Variants in VCAN observed in about 807,000 individuals in gnomAD.
VCAN encodes the protein versican core protein.
A neutral mutation model predicts 245.5 loss-of-function variants in VCAN; 44 were observed. The observed-to-expected ratio is 0.18, with a 90% CI of 0.14 to 0.23. The LOEUF (loss-of-function observed/expected upper bound fraction) is 0.23. Ranked by LOEUF, VCAN falls within the 10% of genes least tolerant of loss-of-function variation. The pLI is 1.00. For synonymous variants in VCAN, 1,413 were observed against 1,437.0 expected, an observed-to-expected ratio of 0.98 and a Z score of 0.38; for missense variants, 3,793 against 4,057.9, an observed-to-expected ratio of 0.93 and a Z score of 1.77.
Position 83,539,912 on chromosome 5 carries a change from A to G in VCAN, c.6909A>G (p.Arg2303=). ...TSSDKIEDFN[R]MENVAKEVGP... is the part of the protein sequence containing the mutation. The stretch of plus-strand genomic sequence containing the variant: ...GTGACAAAATTGAAGACTTTAACAG[A>G]ATGGAAAATGTGGCAAAAGAAGTTG... Residue 2303 remains arginine, a synonymous_variant, in exon 8 of 15, where the codon AGA becomes AGG. Transcript: ENST00000265077. 1 of 1,614,066 alleles carries G rather than the reference A, an allele frequency of 6.2e-7. No individual in the cohort carries two copies. The highest frequency in any genetic ancestry group is 8.5e-7 in the Non-Finnish European group (1 of 1,179,976).
At chr5:83,505,111 TG>T (rs1745445037) in intron 5 of VCAN, among the ~76,000 whole-genome samples, 4 of 152,104 alleles carry the variant, frequency 2.6e-5, no homozygotes, top group Admixed American at 2.6e-4. Context: ...GAGATTTGGG[TG>T]GGGACACAGC....
intron 6 of VCAN, chr5:83,512,645 T>A: frequency 2.1e-6 from 1 of 484,766 alleles, no homozygotes; most frequent in South Asian, 2.9e-5. Context: ...TGTGCTCTGT[T>A]GTGTCCAGAG....
Position 83,540,304 on chromosome 5 carries a change from G to T in VCAN, c.7301G>T (p.Gly2434Val), listed in dbSNP as rs753854575. The part of the protein sequence containing the change: ...LYYEPSGEGS[G>V]EVDIVDSFHT... ...TATGAACCTTCTGGAGAAGGATCTG[G>T]AGAAGTGGATATTGTTGATTCATTT... Residue 2434 changes from glycine to valine, a missense_variant, in exon 8 of 15, where the codon GGA (glycine) becomes GTA (valine). Physicochemically the swap from Gly to Val is moderately radical, Grantham distance 109. Transcript: ENST00000265077. 2 of 1,613,968 alleles carry T rather than the reference G, an allele frequency of 1.2e-6. No individual in the cohort carries two copies. Among genetic ancestry groups the T allele is most frequent in the African/African-American group, 1.3e-5 (1 of 74,920 alleles).
intron 5 of VCAN, among the ~76,000 whole-genome samples, chr5:83,506,709 C>G (rs1027433767): frequency 5.9e-5 from 9 of 152,108 alleles, no homozygotes; most frequent in Admixed American, 2.6e-4. Flanking sequence ...TACCAATTTA[C>G]TGTATTAGTT....
chr5:83,570,172 C>A (rs1231577423), intron 12 of VCAN, among the ~76,000 whole-genome samples: 1 of 152,020 alleles, frequency 6.6e-6, no homozygotes, highest in Non-Finnish European at 1.5e-5. Flanking sequence ...TGGAGAGTAA[C>A]ACAGTGGGGC....
At chr5:83,551,003 G>C (rs1747442398) in intron 10 of VCAN, among the ~76,000 whole-genome samples, 1 of 149,236 alleles carries the variant, frequency 6.7e-6, no homozygotes, top group Non-Finnish European at 1.5e-5. Context: ...TCATTGGGAA[G>C]CTATGATTTA....
In VCAN at chr5:83,540,466, T is replaced by G. The variant is rs1746927903; in HGVS notation, c.7463T>G (p.Met2488Arg). The G allele has an allele frequency of 6.2e-7, 1 of 1,613,992 alleles. No homozygotes were observed. Among genetic ancestry groups the G allele is most frequent in the Non-Finnish European group, 8.5e-7 (1 of 1,179,936 alleles). The change falls in exon 8 of 15, where the codon ATG becomes AGG. Residue 2488 changes from methionine (M) to arginine (R), a missense_variant. Met to Arg is a moderately conservative substitution (Grantham distance 91, BLOSUM62 -1). This residue lies in a region of VCAN where 3,182 missense variants were observed against 3,250.3 expected (regional missense o/e 0.98). Coordinates refer to ENST00000265077, the MANE Select transcript of VCAN (RefSeq NM_004385.5). ...TADGFPTVSV[M>R]LPLHSEQNKS... is the part of the protein sequence containing the mutation. ...GATGGATTCCCAACAGTTTCAGTGA[T>G]GCTGCCTCTTCATTCAGAGCAGAAC... is the stretch of plus-strand genomic sequence containing the variant.
In VCAN at chr5:83,522,171, C is replaced by G. The variant is rs369287217; in HGVS notation, c.3865C>G (p.Gln1289Glu). Residue 1289 changes from glutamine to glutamate, a missense_variant, in exon 7 of 15, where the codon CAG (glutamine) becomes GAG (glutamate). By Grantham distance (29) the Gln-to-Glu change is conservative. Around this residue, in one of 5 missense-constraint regions of VCAN, gnomAD observed 3,182 missense variants for 3,250.3 expected, o/e 0.98. Transcript: ENST00000265077. ...YFTTSSPPAT[Q>E]PTRPPTVEDK... ...CACGACTTCAAGTCCTCCTGCTACA[C>G]AGCCAACAAGACCACCCACTGTGGA... is the stretch of plus-strand genomic sequence containing the variant. The G allele has an allele frequency of 1.3e-5, 21 of 1,609,566 alleles. No individual in the cohort carries two copies. The highest frequency in any genetic ancestry group is 1.8e-5 in the Non-Finnish European group (21 of 1,180,002).
chr5:83,528,787 G>A (rs1580636392), intron 7 of VCAN, among the ~76,000 whole-genome samples: 2 of 152,116 alleles, frequency 1.3e-5, no homozygotes, highest in South Asian at 2.1e-4. Context: ...TACTGAATCA[G>A]TAGGATTATA....
At chr5:83,551,981 T>C (rs912673077) in intron 10 of VCAN, among the ~76,000 whole-genome samples, 11 of 152,208 alleles carry the variant, frequency 7.2e-5, no homozygotes, top group African/African-American at 2.7e-4. Flanking sequence ...AACAACACTT[T>C]AATAAACGCA....
chr5:83,542,810 A>C (rs1452952619), intron 8 of VCAN, among the ~76,000 whole-genome samples: 1 of 152,234 alleles, frequency 6.6e-6, no homozygotes, highest in Non-Finnish European at 1.5e-5. Flanking sequence ...CAGTCTACAT[A>C]ATGCATCAAA....
chr5:83,539,067 G>C lies in VCAN; in HGVS notation c.6064G>C (p.Val2022Leu). ...GEQLVTVSSSVVPVLPSAVQK... is the reference protein window; with the variant it reads ...GEQLVTVSSSLVPVLPSAVQK... ...GCAACTGGTCACAGTCAGCAGCTCT[G>C]TTGTTCCAGTGCTTCCCAGTGCTGT... The change falls in exon 8 of 15, where the codon GTT (valine) becomes CTT (leucine). Residue 2022 changes from valine to leucine, a missense_variant. Val to Leu is a conservative substitution (Grantham distance 32). Around this residue, in one of 5 missense-constraint regions of VCAN, gnomAD observed 3,182 missense variants for 3,250.3 expected, o/e 0.98. Coordinates refer to ENST00000265077, the MANE Select transcript of VCAN (RefSeq NM_004385.5). 6.2e-7 allele frequency: 1 copy of C among 1,614,010 alleles called. No homozygotes were observed. The highest frequency in any genetic ancestry group is 8.5e-7 in the Non-Finnish European group (1 of 1,179,962).
intron 7 of VCAN, among the ~76,000 whole-genome samples, chr5:83,522,525 A>T (rs1478260488): frequency 2.6e-5 from 4 of 152,224 alleles, no homozygotes; most frequent in Non-Finnish European, 5.9e-5. Context: ...GTTAAAAGTC[A>T]TAAGAAGCCC....
chr5:83,534,458 G>A (rs930065223), intron 7 of VCAN, among the ~76,000 whole-genome samples: 1 of 151,938 alleles, frequency 6.6e-6, no homozygotes, highest in African/African-American at 2.4e-5. Context: ...ACTGACCCAT[G>A]TTTCTTATTT....
At chr5:83,534,070 C>G (rs1285319127) in intron 7 of VCAN, 1 of 152,046 alleles carries the variant, frequency 6.6e-6, no homozygotes, top group Admixed American at 6.6e-5. Flanking sequence ...CAGTTTCTTA[C>G]CATATTGACA....
At chr5:83,478,406 T>G (rs891631089) in intron 1 of VCAN, among the ~76,000 whole-genome samples, 1 of 152,224 alleles carries the variant, frequency 6.6e-6, no homozygotes, top group African/African-American at 2.4e-5. Context: ...TTTTAAAAGA[T>G]GTATATACTC....
intron 1 of VCAN, among the ~76,000 whole-genome samples, chr5:83,482,998 A>G (rs1744663412): frequency 6.6e-6 from 1 of 152,334 alleles, no homozygotes; most frequent in South Asian, 2.1e-4. Context: ...TTTTGGTATT[A>G]TGTGCATGAA....
chr5:83,542,654 C>G (rs1747049798), intron 8 of VCAN, among the ~76,000 whole-genome samples: 1 of 151,906 alleles, frequency 6.6e-6, no homozygotes, highest in Non-Finnish European at 1.5e-5. Flanking sequence ...TTTTAAAAAC[C>G]CTCCCATTGA....
At position 83,521,622 on chromosome 5, in the gene VCAN, C is replaced by G. The variant is rs575858643; in HGVS notation, c.3316C>G (p.Pro1106Ala). 20 of 1,613,806 alleles carry G rather than the reference C, an allele frequency of 1.2e-5. No individual in the cohort carries two copies. Among genetic ancestry groups the G allele is most frequent in the Non-Finnish European group, 1.6e-5 (19 of 1,180,012 alleles). The change falls in exon 7 of 15, where the codon CCA becomes GCA. Residue 1106 changes from proline (P) to alanine (A), a missense_variant. Around this residue, in one of 5 missense-constraint regions of VCAN, gnomAD observed 3,182 missense variants for 3,250.3 expected, o/e 0.98. Transcript: ENST00000265077. ...AATTGATCACAGTGTGTCTTATCCACCAGGTGCTGTAACTGAGCACAAAGT... is the reference window on the plus strand; with the variant it reads ...AATTGATCACAGTGTGTCTTATCCAGCAGGTGCTGTAACTGAGCACAAAGT... ...GKIDHSVSYP[P>A]GAVTEHKVKT...
Sources: allele counts gnomAD v4.1 joint callset (sites outside exome capture counted in the v4.1 genomes callset), GRCh38; gene constraint gnomAD v4.1.1; regional missense constraint gnomAD v4.1.1; transcripts MANE v1.5; gene names NCBI Gene and HGNC (gene_info 2026-07-23, HGNC 2026-07-21).